The following SLC44A5 variants were observed in gnomAD, a reference collection of about 807,000 sequenced individuals.
SLC44A5 encodes choline transporter-like protein 5.
Under a neutral mutation model 101.8 loss-of-function variants are expected in SLC44A5, and 57 were observed. The observed-to-expected ratio is 0.56, with a 90% CI of 0.45 to 0.70. The LOEUF (loss-of-function observed/expected upper bound fraction) is 0.70, where lower values mean the gene tolerates loss of function less well. SLC44A5 is among the 30% of genes least tolerant of loss of function. The pLI, the probability that SLC44A5 is intolerant of heterozygous loss-of-function variation, is 0.00. For missense variants in SLC44A5, 737 were observed against 853.1 expected (o/e 0.86, Z 1.70); for synonymous variants, 281 against 290.9 (o/e 0.97, Z 0.35).
chr1:75,667,227 G>A, the SLC44A5 span, among the ~76,000 whole-genome samples: 2 of 152,122 alleles, frequency 1.3e-5, no homozygotes, highest in Non-Finnish European at 2.9e-5. Context: ...AGCAACTTCA[G>A]CAAAGTCTCA....
the SLC44A5 span, among the ~76,000 whole-genome samples, chr1:75,699,057 G>C: frequency 6.6e-6 from 1 of 152,120 alleles, no homozygotes; most frequent in Non-Finnish European, 1.5e-5. Context: ...GGGGAGAATG[G>C]AACCAAGTTG....
chr1:75,465,995 AG>A (rs1218396919), intron 2 of SLC44A5, among the ~76,000 whole-genome samples: 1 of 152,244 alleles, frequency 6.6e-6, no homozygotes, highest in Non-Finnish European at 1.5e-5. Flanking sequence ...CCAAAATTAG[AG>A]GATGAGAGCA....
chr1:75,468,413 C>G (rs575251441), intron 2 of SLC44A5, among the ~76,000 whole-genome samples: 13 of 152,286 alleles, frequency 8.5e-5, no homozygotes, highest in Middle Eastern at 3.4e-3. Context: ...AATTTGGAAG[C>G]AACCTAAGTG....
intron 5 of SLC44A5, among the ~76,000 whole-genome samples, chr1:75,278,882 A>T (rs1652151430): frequency 6.6e-6 from 1 of 152,174 alleles, no homozygotes; most frequent in Non-Finnish European, 1.5e-5. Flanking sequence ...TATTGCAATC[A>T]TGCAAAATAA....
intron 2 of SLC44A5, chr1:75,402,510 T>G (rs988015243): frequency 3.2e-6 from 1 of 317,392 alleles, no homozygotes; most frequent in Admixed American, 3.2e-5. Context: ...TAGGGACTGG[T>G]TAGACAATGG....
intron 2 of SLC44A5, among the ~76,000 whole-genome samples, chr1:75,464,605 CTGAA>C (rs538556733): frequency 2.2e-4 from 33 of 151,824 alleles, no homozygotes; most frequent in Non-Finnish European, 4.7e-4. Context: ...AATATACTGA[CTGAA>C]TGGATGGGAA....
intron 6 of SLC44A5, among the ~76,000 whole-genome samples, chr1:75,255,310 G>A (rs1376699832): frequency 1.3e-5 from 2 of 152,034 alleles, no homozygotes; most frequent in African/African-American, 4.8e-5. Flanking sequence ...AAGGGCATAG[G>A]AGGGAACTTT....
intron 6 of SLC44A5, among the ~76,000 whole-genome samples, chr1:75,263,031 G>A (rs906415734): frequency 2.6e-5 from 4 of 152,056 alleles, no homozygotes; most frequent in Admixed American, 1.3e-4. Flanking sequence ...AAAAACCCTA[G>A]ACAAAAACTT....
chr1:75,652,755 C>T, the SLC44A5 span, among the ~76,000 whole-genome samples: 1 of 152,148 alleles, frequency 6.6e-6, no homozygotes, highest in African/African-American at 2.4e-5. Flanking sequence ...GATCACACCA[C>T]TACACTTCAG....
chr1:75,709,770 T>A, the SLC44A5 span, among the ~76,000 whole-genome samples: 1 of 152,230 alleles, frequency 6.6e-6, no homozygotes, highest in Non-Finnish European at 1.5e-5. Flanking sequence ...AAATCAGTTT[T>A]TAATTTTGTT....
intron 2 of SLC44A5, among the ~76,000 whole-genome samples, chr1:75,412,633 T>C (rs1398753591): frequency 6.6e-6 from 1 of 152,204 alleles, no homozygotes; most frequent in East Asian, 1.9e-4. Context: ...CAGTTTTGCT[T>C]TCTGTAATTT....
chr1:75,520,585 G>T (rs1670061711), intron 2 of SLC44A5, among the ~76,000 whole-genome samples: 1 of 152,090 alleles, frequency 6.6e-6, no homozygotes, highest in East Asian at 1.9e-4. Context: ...GGAGGGGAAA[G>T]GTGGGTAAGA....
rs182844581 is a variant in SLC44A5, at chr1:75,427,095, G to A, written c.14-30474C>T. Among the ~76,000 whole-genome samples, 31 of 152,264 alleles carry A rather than the reference G, an allele frequency of 2.0e-4. 1 individual carries two copies. In the East Asian group the frequency reaches 5.8e-3, roughly 29 times the overall value. ...CCATTTGCTGCTTAAGACAACCAGG[G>A]TCAGATCCTGCTGCTTGTCCCCCAT... On this transcript the variant is annotated intron_variant, in intron 2 of 23. Coordinates refer to ENST00000370859, the MANE Select transcript of SLC44A5 (RefSeq NM_001130058.2).
intron 3 of SLC44A5, among the ~76,000 whole-genome samples, chr1:75,357,642 G>A (rs1318052149): frequency 6.6e-6 from 1 of 152,136 alleles, no homozygotes; most frequent in Non-Finnish European, 1.5e-5. Context: ...TCTGCAAGCT[G>A]GACTTTGAAA....
At chr1:75,391,873 G>C (rs111583184) in intron 3 of SLC44A5, among the ~76,000 whole-genome samples, 2 of 152,276 alleles carry the variant, frequency 1.3e-5, no homozygotes, top group Non-Finnish European at 2.9e-5. Context: ...AAAAAATTAA[G>C]CCAGGCACAG....
chr1:75,642,135 A>C, the SLC44A5 span: 1 of 893,140 alleles, frequency 1.1e-6, no homozygotes. Context: ...ATATATTAAA[A>C]CTGCCTGTAA....
the SLC44A5 span, among the ~76,000 whole-genome samples, chr1:75,627,506 T>G: frequency 7.2e-5 from 11 of 151,890 alleles, no homozygotes; most frequent in African/African-American, 2.7e-4. Flanking sequence ...TAGCGAGACC[T>G]TGTCTGTACA....
At chr1:75,657,031 C>T in the SLC44A5 span, among the ~76,000 whole-genome samples, 10,373 of 152,102 alleles carry the variant, frequency 0.068, 603 homozygotes, top group East Asian at 0.25. Flanking sequence ...CACCTGTAGT[C>T]CCAGGTACTC....
At chr1:75,390,492 G>C (rs1054668801) in intron 3 of SLC44A5, among the ~76,000 whole-genome samples, 1 of 150,576 alleles carries the variant, frequency 6.6e-6, no homozygotes, top group Non-Finnish European at 1.5e-5. Context: ...ATTTATTCCT[G>C]GGATGCAAGG....
Sources: allele counts gnomAD v4.1 joint callset (sites outside exome capture counted in the v4.1 genomes callset), GRCh38; gene constraint gnomAD v4.1.1; transcripts MANE v1.5; gene names NCBI Gene and HGNC (gene_info 2026-07-23, HGNC 2026-07-21).